SUPT3H: variants seen among roughly 807,000 people sequenced by gnomAD.
SUPT3H encodes SPT3 homolog, SAGA and STAGA complex component.
SUPT3H carries 44 observed loss-of-function variants against 44.3 expected under a neutral mutation model. The ratio of observed to expected loss-of-function variants is 0.99; its 90% CI spans 0.78 to 1.28. The LOEUF (loss-of-function observed/expected upper bound fraction) is 1.28. Ranked by LOEUF, SUPT3H falls within the 50% of genes most tolerant of loss-of-function variation. The probability of loss-of-function intolerance (pLI) is 0.00; values close to 1 mark genes in which losing one functional copy is unlikely to be tolerated. For synonymous variants in SUPT3H, 124 were observed against 125.6 expected (o/e 0.99, Z 0.09); for missense variants, 380 against 387.1 (o/e 0.98, Z 0.15).
chr6:45,007,616 C>T (rs1007317275), intron 5 of SUPT3H, among the ~76,000 whole-genome samples: 1 of 151,984 alleles, frequency 6.6e-6, no homozygotes, highest in African/African-American at 2.4e-5. Context: ...TATTGTTCTC[C>T]TTACTTTTTA....
At chr6:44,900,708 A>G (rs1169956291) in intron 10 of SUPT3H, among the ~76,000 whole-genome samples, 1 of 152,162 alleles carries the variant, frequency 6.6e-6, no homozygotes, top group Non-Finnish European at 1.5e-5. Flanking sequence ...AGATCTGAGA[A>G]CCGACAGACT....
chr6:45,292,725 T>TAAAAAAAAA (rs1554328109), intron 2 of SUPT3H, among the ~76,000 whole-genome samples: 1 of 82,446 alleles, frequency 1.2e-5, no homozygotes, highest in African/African-American at 4.1e-5. Flanking sequence ...CAACAGCAGT[T>TAAAAAAAAA]AAAAAAGACA....
intron 10 of SUPT3H, among the ~76,000 whole-genome samples, chr6:44,834,801 A>C (rs969948587): frequency 6.6e-6 from 1 of 152,144 alleles, no homozygotes; most frequent in African/African-American, 2.4e-5. Flanking sequence ...GGAAAGAAAC[A>C]GTTTTTCTGG....
At chr6:44,833,025 AACTT>A (rs201448566) in intron 10 of SUPT3H, among the ~76,000 whole-genome samples, 1 of 152,098 alleles carries the variant, frequency 6.6e-6, no homozygotes, top group African/African-American at 2.4e-5. Flanking sequence ...CATGCTACAA[AACTT>A]ACTTTGTAGT....
rs190429691 is a variant in SUPT3H at position 44,900,747 on chromosome 6, A to G, written c.912+31906T>C. Among the ~76,000 whole-genome samples the G allele has an allele frequency of 7.3e-3, 1,119 of 152,304 alleles. 20 individuals are homozygous for G. Among genetic ancestry groups the G allele is most frequent in the African/African-American group, 0.025 (1,056 of 41,570 alleles). ...TCCTCAAGTGGGTCCCTGACCCCCA[A>G]GTAGCCTAACTGGGAGGCACCCCCT... On this transcript the variant is annotated intron_variant, in intron 10 of 10. Transcript: ENST00000371459.
At chr6:45,146,751 T>C (rs1449041840) in intron 2 of SUPT3H, among the ~76,000 whole-genome samples, 1 of 152,150 alleles carries the variant, frequency 6.6e-6, no homozygotes, top group Non-Finnish European at 1.5e-5. Flanking sequence ...CTTGATTTCC[T>C]TTCATCACTA....
At chr6:44,845,855 C>G (rs930166596) in intron 10 of SUPT3H, among the ~76,000 whole-genome samples, 6 of 152,224 alleles carry the variant, frequency 3.9e-5, no homozygotes, top group Non-Finnish European at 8.8e-5. Flanking sequence ...ATTCTCCAAG[C>G]CCATGTGTGA....
chr6:45,229,710 C>T (rs1342179708), intron 2 of SUPT3H, among the ~76,000 whole-genome samples: 1 of 151,992 alleles, frequency 6.6e-6, no homozygotes, highest in African/African-American at 2.4e-5. Flanking sequence ...TTTATTAATA[C>T]ATAATAATTT....
At chr6:45,172,477 C>T (rs1043691920) in intron 2 of SUPT3H, among the ~76,000 whole-genome samples, 7 of 151,746 alleles carry the variant, frequency 4.6e-5, no homozygotes, top group African/African-American at 1.2e-4. Context: ...CCAGGGAATG[C>T]GGCTTGATTT....
rs760511086 is a variant in SUPT3H, at chr6:45,365,291, G to GT, written c.10dup (p.Thr4AsnfsTer4). 3 of 1,605,524 alleles carry GT rather than the reference G, an allele frequency of 1.9e-6. No individual in the cohort carries two copies. The highest frequency in any genetic ancestry group is 2.2e-5 in the East Asian group (1 of 44,604). On this transcript the variant is annotated frameshift_variant, in exon 2 of 11. Coordinates refer to ENST00000371459, the MANE Select transcript of SUPT3H (RefSeq NM_003599.4). LOFTEE classifies it high-confidence loss of function. ...TGCAGTAGACATTGGACTAGCTGCC[G>GT]TATTATTCATCTAAATAAAAAGGAG...
intron 10 of SUPT3H, among the ~76,000 whole-genome samples, chr6:44,924,609 G>A (rs896882871): frequency 2.6e-5 from 4 of 152,090 alleles, no homozygotes; most frequent in African/African-American, 9.6e-5. Context: ...AAGCCATAGA[G>A]TATTTAGCTG....
chr6:45,122,196 T>C (rs1801779877), intron 2 of SUPT3H, among the ~76,000 whole-genome samples: 1 of 152,146 alleles, frequency 6.6e-6, no homozygotes, highest in Non-Finnish European at 1.5e-5. Context: ...AATAATCTAT[T>C]CCAGATATGG....
intron 10 of SUPT3H, among the ~76,000 whole-genome samples, chr6:44,859,101 G>A (rs888845954): frequency 6.6e-6 from 1 of 152,156 alleles, no homozygotes; most frequent in African/African-American, 2.4e-5. Flanking sequence ...ATATAAAGAG[G>A]TAAAAAGAGT....
chr6:44,916,538 G>A (rs1181992597), intron 10 of SUPT3H, among the ~76,000 whole-genome samples: 1 of 152,118 alleles, frequency 6.6e-6, no homozygotes, highest in South Asian at 2.1e-4. Context: ...TATTCTGAAA[G>A]GTTTTGGTAA....
rs62400328 is a variant in SUPT3H, at chr6:45,331,135, G to A, written c.101+34066C>T. ...TGTGTGTGTGTGTGTGTGCGCGCGC[G>A]CGCGCACATGCTAGAGAAAGAGTAT... On this transcript the variant is annotated intron_variant, in intron 2 of 10. Transcript: ENST00000371459. Among the ~76,000 whole-genome samples, 471 of 151,954 alleles carry A rather than the reference G, an allele frequency of 3.1e-3. 1 individual carries two copies. The highest frequency in any genetic ancestry group is 4.8e-3 in the African/African-American group (199 of 41,492).
At chr6:44,984,246 T>A (rs1320961676) in intron 6 of SUPT3H, among the ~76,000 whole-genome samples, 1 of 152,106 alleles carries the variant, frequency 6.6e-6, no homozygotes, top group East Asian at 1.9e-4. Context: ...AGATTGGTAA[T>A]CCAGTGAGCT....
In SUPT3H at chr6:44,889,335, T is replaced by C. The variant is rs200392325; in HGVS notation, c.912+43318A>G. 9.2e-5 allele frequency among the ~76,000 whole-genome samples: 14 copies of C among 152,104 alleles called. No individual in the cohort carries two copies. In the East Asian group the frequency reaches 9.7e-4, roughly 11 times the overall value. ...TCAATCCTAAGCCAAAAGAACAAAG[T>C]TGGAGGCATCACGCTACCTGACTTC... is the stretch of plus-strand genomic sequence containing the variant. On this transcript the variant is annotated intron_variant, in intron 10 of 10. Transcript: ENST00000371459.
intron 2 of SUPT3H, among the ~76,000 whole-genome samples, chr6:45,164,170 GTAGCTCCAGCTC>G (rs1259785314): frequency 6.6e-6 from 1 of 152,150 alleles, no homozygotes; most frequent in Admixed American, 6.6e-5. Flanking sequence ...TGTAGTTCAA[GTAGCTCCAGCTC>G]TAGAACCAGC....
intron 2 of SUPT3H, among the ~76,000 whole-genome samples, chr6:45,323,889 A>C (rs1167755743): frequency 6.6e-6 from 1 of 152,092 alleles, no homozygotes; most frequent in African/African-American, 2.4e-5. Flanking sequence ...TCTAAGTACA[A>C]AGGTTCTAAA....
Sources: allele counts gnomAD v4.1 joint callset (sites outside exome capture counted in the v4.1 genomes callset), GRCh38; gene constraint gnomAD v4.1.1; transcripts MANE v1.5; gene names NCBI Gene and HGNC (gene_info 2026-07-23, HGNC 2026-07-21).